NKAIN3: variants seen among roughly 807,000 people sequenced by gnomAD.
The protein encoded by NKAIN3 is sodium/potassium-transporting ATPase subunit beta-1-interacting protein 3.
Under a neutral mutation model 30.2 loss-of-function variants are expected in NKAIN3, and 25 were observed. The ratio of observed to expected loss-of-function variants is 0.83; its 90% CI spans 0.60 to 1.16. NKAIN3 has a LOEUF of 1.16. Ranked by LOEUF, NKAIN3 falls within the 50% of genes most tolerant of loss-of-function variation. The pLI is 0.00. For synonymous variants in NKAIN3, 91 were observed against 89.6 expected (o/e 1.02, Z -0.09); for missense variants, 225 against 254.1 (o/e 0.89, Z 0.78).
chr8:62,991,549 T>C (rs1563657544), intron 5 of NKAIN3, among the ~76,000 whole-genome samples: 1 of 152,230 alleles, frequency 6.6e-6, no homozygotes, highest in Non-Finnish European at 1.5e-5. Context: ...CTGACATTAG[T>C]CAATATGTCG....
Position 62,633,983 on chromosome 8 carries a change from A to G in NKAIN3, c.273+44189A>G, listed in dbSNP as rs117566497. Among the ~76,000 whole-genome samples the G allele has an allele frequency of 1.3e-3, 191 of 152,238 alleles. 3 individuals are homozygous for G. In the East Asian group the frequency reaches 0.03, roughly 24 times the overall value. On this transcript the variant is annotated intron_variant, in intron 3 of 6. Coordinates refer to ENST00000623646, the MANE Select transcript of NKAIN3 (RefSeq NM_001304533.3). ...TTGGACTATCCTTCCTCTCTCTAAA[A>G]CACAAACAAAAAATAGGGTGAATGT...
At chr8:62,408,674 G>A (rs1445094215) in intron 1 of NKAIN3, among the ~76,000 whole-genome samples, 2 of 152,060 alleles carry the variant, frequency 1.3e-5, no homozygotes, top group Non-Finnish European at 2.9e-5. Context: ...AGATCTCTGT[G>A]GCTGTTAACT....
intron 4 of NKAIN3, among the ~76,000 whole-genome samples, chr8:62,882,376 T>C (rs548908276): frequency 5.3e-5 from 8 of 152,308 alleles, no homozygotes; most frequent in Non-Finnish European, 1.2e-4. Flanking sequence ...TGGAGTACAA[T>C]GACGCGATCT....
intron 3 of NKAIN3, among the ~76,000 whole-genome samples, chr8:62,640,890 C>T (rs1010045745): frequency 6.6e-5 from 10 of 152,122 alleles, no homozygotes; most frequent in African/African-American, 2.4e-4. Context: ...AAACTAGGGC[C>T]AGTTCTATTC....
chr8:62,866,694 A>C (rs974545774), intron 4 of NKAIN3, among the ~76,000 whole-genome samples: 1 of 152,172 alleles, frequency 6.6e-6, no homozygotes, highest in African/African-American at 2.4e-5. Context: ...TAGATTGTGA[A>C]AAGCTAACAA....
intron 4 of NKAIN3, among the ~76,000 whole-genome samples, chr8:62,759,063 T>C (rs1816555759): frequency 6.6e-6 from 1 of 152,132 alleles, no homozygotes. Context: ...CTATAACCTG[T>C]AAAACAATGA....
At chr8:62,446,344 G>GT (rs948217708) in intron 1 of NKAIN3, among the ~76,000 whole-genome samples, 11 of 151,674 alleles carry the variant, frequency 7.3e-5, no homozygotes, top group Admixed American at 2.6e-4. Flanking sequence ...CATATGGCTG[G>GT]TTTTTTTTAG....
chr8:62,628,086 C>T (rs186382985), intron 3 of NKAIN3, among the ~76,000 whole-genome samples: 1 of 152,126 alleles, frequency 6.6e-6, no homozygotes, highest in Non-Finnish European at 1.5e-5. Context: ...GGTTACGTTC[C>T]ATTCATGGTG....
intron 1 of NKAIN3, among the ~76,000 whole-genome samples, chr8:62,292,200 C>T (rs1368610173): frequency 6.6e-6 from 1 of 152,100 alleles, no homozygotes; most frequent in Non-Finnish European, 1.5e-5. Context: ...ATTTGCCAGT[C>T]TGTGTCTTTT....
At chr8:62,467,154 C>A (rs1262404950) in intron 1 of NKAIN3, among the ~76,000 whole-genome samples, 1 of 152,176 alleles carries the variant, frequency 6.6e-6, no homozygotes. Flanking sequence ...AGGACCTTTG[C>A]ACTTGCTCTT....
chr8:62,344,705 C>A (rs1451144933), intron 1 of NKAIN3: 1 of 243,470 alleles, frequency 4.1e-6, no homozygotes, highest in South Asian at 4.8e-5. Context: ...TATCCTGCAA[C>A]CCAGTTGCCT....
intron 4 of NKAIN3, among the ~76,000 whole-genome samples, chr8:62,888,917 C>T (rs967948616): frequency 6.6e-6 from 1 of 152,046 alleles, no homozygotes; most frequent in Non-Finnish European, 1.5e-5. Flanking sequence ...TTTAATGAGA[C>T]CTTCTTACCT....
chr8:62,477,836 G>T (rs184611363), intron 1 of NKAIN3, among the ~76,000 whole-genome samples: 459 of 152,290 alleles, frequency 3.0e-3, no homozygotes, highest in Non-Finnish European at 5.1e-3. Context: ...AAGCAGGACT[G>T]CCTAAAACAG....
At chr8:62,856,163 G>T (rs1820053546) in intron 4 of NKAIN3, 1 of 741,220 alleles carries the variant, frequency 1.3e-6, no homozygotes, top group South Asian at 1.4e-5. Context: ...AGACCTCTTG[G>T]TATCACTAGG....
chr8:62,898,694 C>T (rs1352387969), intron 4 of NKAIN3, among the ~76,000 whole-genome samples: 8 of 152,066 alleles, frequency 5.3e-5, no homozygotes, highest in East Asian at 1.9e-4. Flanking sequence ...AACAATACCC[C>T]GCAAGCACAG....
intron 1 of NKAIN3, among the ~76,000 whole-genome samples, chr8:62,578,167 A>G (rs1377994827): frequency 6.6e-6 from 1 of 152,152 alleles, no homozygotes; most frequent in African/African-American, 2.4e-5. Flanking sequence ...GTCCAAATAC[A>G]GCAGGTGATA....
At chr8:62,257,541 C>G (rs1384684) in intron 1 of NKAIN3, among the ~76,000 whole-genome samples, 1 of 151,942 alleles carries the variant, frequency 6.6e-6, no homozygotes, top group African/African-American at 2.4e-5. Flanking sequence ...GAAACTTCAT[C>G]CTGTCACTCC....
At chr8:62,755,422 T>TA (rs1816420636) in intron 4 of NKAIN3, among the ~76,000 whole-genome samples, 1 of 152,232 alleles carries the variant, frequency 6.6e-6, no homozygotes, top group South Asian at 2.1e-4. Flanking sequence ...GGCAAATAGT[T>TA]AAAAATGTTT....
At chr8:62,937,322 C>T (rs572142833) in intron 5 of NKAIN3, among the ~76,000 whole-genome samples, 64 of 152,260 alleles carry the variant, frequency 4.2e-4, no homozygotes, top group Admixed American at 4.6e-4. Flanking sequence ...CTTGCCACTG[C>T]GTACTCCGTG....
Sources: gnomAD v4.1 joint callset for allele counts (sites outside exome capture counted in the v4.1 genomes callset) on GRCh38, gnomAD v4.1.1 for gene constraint, MANE v1.5 for transcripts, NCBI Gene and HGNC (gene_info 2026-07-23, HGNC 2026-07-21) for gene names.